The following SP100 variants were observed in gnomAD, a reference collection of about 807,000 sequenced individuals.
The protein encoded by SP100 is nuclear autoantigen Sp-100.
SP100 carries 84 observed loss-of-function variants against 130.0 expected under a neutral mutation model. The observed-to-expected ratio is 0.65, with a 90% CI of 0.54 to 0.77. SP100 has a LOEUF of 0.77. SP100 is among the 30% of genes least tolerant of loss of function. SP100 has a pLI of 0.00. For synonymous variants in SP100, 331 were observed against 351.7 expected (o/e 0.94, Z 0.66); for missense variants, 978 against 1,052.2 (o/e 0.93, Z 0.97).
At chr2:230,416,371 T>A (rs765059999) in intron 1 of SP100, 43 bp downstream of exon 1, 5 of 1,571,246 alleles carry the variant, frequency 3.2e-6, no homozygotes, top group Non-Finnish European at 4.4e-6. Flanking sequence ...TCTCTGGCTA[T>A]ATTGCAGCTT....
intron 13 of SP100, 105 bp downstream of exon 13, chr2:230,467,320 G>A: frequency 3.8e-6 from 3 of 779,876 alleles, no homozygotes; most frequent in Non-Finnish European, 6.6e-6. Flanking sequence ...CCAGTTCTCT[G>A]CATCTACCTC....
chr2:230,504,090 T>C, intron 20 of SP100, 96 bp from the exon 21 acceptor site: 1 of 655,918 alleles, frequency 1.5e-6, no homozygotes, highest in Non-Finnish European at 2.7e-6. Flanking sequence ...CTCCAATACA[T>C]TTTGAATTAT....
intron 2 of SP100, among the ~76,000 whole-genome samples, chr2:230,438,129 T>C (rs943353390): frequency 2.6e-5 from 4 of 152,174 alleles, no homozygotes; most frequent in African/African-American, 9.7e-5. Context: ...TTTTTCTTAG[T>C]TGTGTCTTTA....
intron 25 of SP100, 120 bp from the exon 26 acceptor site, chr2:230,540,756 G>A: frequency 3.8e-6 from 5 of 1,316,980 alleles, no homozygotes; most frequent in Non-Finnish European, 5.2e-6. Context: ...GCCTCCAAGA[G>A]AGAAGTTGGA....
chr2:230,416,529 GTTC>G (rs2062604179), intron 1 of SP100, among the ~76,000 whole-genome samples: 1 of 152,136 alleles, frequency 6.6e-6, no homozygotes. Flanking sequence ...GTTGGTGTGA[GTTC>G]AACTTGCCAT....
intron 18 of SP100, 65 bp from the exon 19 acceptor site, chr2:230,498,396 A>G (rs887785392): frequency 2.1e-6 from 2 of 951,790 alleles, no homozygotes; most frequent in Non-Finnish European, 3.0e-6. Flanking sequence ...AAATTTTTGA[A>G]AGCACTATTA....
At chr2:230,427,688 C>T (rs908376577) in intron 2 of SP100, among the ~76,000 whole-genome samples, 4 of 151,906 alleles carry the variant, frequency 2.6e-5, no homozygotes, top group Non-Finnish European at 4.4e-5. Context: ...AAATGATATA[C>T]TTTGATTCCT....
At chr2:230,530,544 CA>C (rs925640069) in intron 24 of SP100, among the ~76,000 whole-genome samples, 34 of 152,236 alleles carry the variant, frequency 2.2e-4, no homozygotes, top group Admixed American at 2.0e-3. Context: ...ACTAAAACAC[CA>C]AAAGCAATTG....
intron 17 of SP100, among the ~76,000 whole-genome samples, chr2:230,490,819 T>G (rs900794985): frequency 2.0e-5 from 3 of 152,212 alleles, no homozygotes; most frequent in Admixed American, 6.5e-5. Flanking sequence ...TGGCACCCAA[T>G]CTCTTCTGGC....
chr2:230,422,303 C>T (rs1559479173), intron 2 of SP100, among the ~76,000 whole-genome samples: 1 of 152,168 alleles, frequency 6.6e-6, no homozygotes, highest in Non-Finnish European at 1.5e-5. Context: ...CCCAGCTCCT[C>T]CTCCATTATT....
rs1474346699 is a variant in SP100, at chr2:230,416,261, A to G, written c.-36A>G. The G allele has an allele frequency of 2.5e-6, 4 of 1,598,962 alleles. No homozygotes were observed. Among genetic ancestry groups the G allele is most frequent in the Admixed American group, 1.7e-5 (1 of 59,422 alleles). Reference sequence around the variant, plus strand: ...GGGCCGACTGAGGGGCTCAGAGGCCAGGCTCTGAGGCCCACGCAGGGCCTA... The same window carrying G: ...GGGCCGACTGAGGGGCTCAGAGGCCGGGCTCTGAGGCCCACGCAGGGCCTA... On this transcript the variant is annotated 5_prime_UTR_variant, in exon 1 of 29. Transcript: ENST00000340126.
intron 8 of SP100, among the ~76,000 whole-genome samples, chr2:230,459,547 T>A (rs968799695): frequency 6.6e-6 from 1 of 152,230 alleles, no homozygotes; most frequent in Non-Finnish European, 1.5e-5. Flanking sequence ...GACCTTTATT[T>A]AAAGACCTGA....
At chr2:230,479,912 G>A (rs2065753334) in intron 17 of SP100, among the ~76,000 whole-genome samples, 1 of 152,124 alleles carries the variant, frequency 6.6e-6, no homozygotes, top group Non-Finnish European at 1.5e-5. Context: ...GCATGATTTG[G>A]GCATCTTGAC....
chr2:230,506,152 G>T, intron 21 of SP100, 151 bp from the exon 22 acceptor site: 1 of 686,460 alleles, frequency 1.5e-6, no homozygotes, highest in Non-Finnish European at 2.5e-6. Context: ...CCTTCAGGCT[G>T]GGTATGAAGC....
chr2:230,436,905 C>CATATATGTGTATACACACAT (rs1559486467), intron 2 of SP100, among the ~76,000 whole-genome samples: 1 of 67,058 alleles, frequency 1.5e-5, no homozygotes, highest in African/African-American at 6.3e-5. Flanking sequence ...TATACACACA[C>CATATATGTGTATACACACAT]GCATATATGT....
At chr2:230,477,537 T>C (rs1205561336) in intron 17 of SP100, among the ~76,000 whole-genome samples, 8 of 152,176 alleles carry the variant, frequency 5.3e-5, no homozygotes, top group Admixed American at 3.9e-4. Flanking sequence ...GTGGGAATTT[T>C]AAAAATATTC....
At chr2:230,485,095 T>A (rs1026745683) in intron 17 of SP100, among the ~76,000 whole-genome samples, 2 of 146,284 alleles carry the variant, frequency 1.4e-5, no homozygotes, top group African/African-American at 5.4e-5. Flanking sequence ...GGTCCCAATA[T>A]TTTATTTTAT....
chr2:230,487,291 T>C (rs1159339320), intron 17 of SP100, among the ~76,000 whole-genome samples: 1 of 152,254 alleles, frequency 6.6e-6, no homozygotes, highest in Non-Finnish European at 1.5e-5. Flanking sequence ...TTCCAGGGAT[T>C]TTATGGCTTT....
intron 18 of SP100, among the ~76,000 whole-genome samples, chr2:230,494,866 C>G (rs1192119618): frequency 6.6e-6 from 1 of 152,242 alleles, no homozygotes; most frequent in Non-Finnish European, 1.5e-5. Context: ...ACAGCCAGAG[C>G]TAGCTGCAAA....
Sources: allele counts gnomAD v4.1 joint callset (sites outside exome capture counted in the v4.1 genomes callset), GRCh38; gene constraint gnomAD v4.1.1; transcripts MANE v1.5; gene names NCBI Gene and HGNC (gene_info 2026-07-23, HGNC 2026-07-21).